The following PRKG1 variants were observed in gnomAD, a reference collection of about 807,000 sequenced individuals.
PRKG1 encodes the protein protein kinase cGMP-dependent 1.
A neutral mutation model predicts 88.1 loss-of-function variants in PRKG1; 35 were observed. That is an observed-to-expected ratio of 0.40 (90% CI 0.30 to 0.53). The LOEUF (loss-of-function observed/expected upper bound fraction) is 0.53. PRKG1 is among the 20% of genes least tolerant of loss of function. The pLI, the probability that PRKG1 is intolerant of heterozygous loss-of-function variation, is 0.59. For missense variants in PRKG1, 540 were observed against 839.8 expected (o/e 0.64, Z 4.41); for synonymous variants, 303 against 292.5 (o/e 1.04, Z -0.37).
At chr10:51,917,093 G>A (rs778038911) in intron 5 of PRKG1, among the ~76,000 whole-genome samples, 10 of 152,022 alleles carry the variant, frequency 6.6e-5, no homozygotes, top group South Asian at 4.2e-4. Context: ...TGAGGCAGGC[G>A]GATCACCTGA....
intron 4 of PRKG1, among the ~76,000 whole-genome samples, chr10:51,904,665 A>T (rs764296855): frequency 6.6e-6 from 1 of 152,168 alleles, no homozygotes; most frequent in Non-Finnish European, 1.5e-5. Context: ...GAAGTCCAGA[A>T]GTGCTTCAGT....
intron 2 of PRKG1, among the ~76,000 whole-genome samples, chr10:51,376,962 C>G (rs1842830676): frequency 6.6e-6 from 1 of 152,168 alleles, no homozygotes; most frequent in Admixed American, 6.5e-5. Flanking sequence ...CAGTCGTGAG[C>G]CACTGCGCCT....
intron 5 of PRKG1, among the ~76,000 whole-genome samples, chr10:51,932,432 G>T (rs1424893358): frequency 6.6e-6 from 1 of 151,946 alleles, no homozygotes; most frequent in Non-Finnish European, 1.5e-5. Context: ...TGAATCTTTG[G>T]ACAACTCTAT....
intron 4 of PRKG1, among the ~76,000 whole-genome samples, chr10:51,855,451 G>A (rs1434148887): frequency 6.6e-6 from 1 of 152,174 alleles, no homozygotes; most frequent in South Asian, 2.1e-4. Flanking sequence ...GTACAGTTTA[G>A]TTGAACTGCT....
At chr10:51,110,847 G>C (rs570446112) in intron 1 of PRKG1, among the ~76,000 whole-genome samples, 3 of 152,252 alleles carry the variant, frequency 2.0e-5, no homozygotes, top group South Asian at 4.1e-4. Context: ...TAAAAGATGA[G>C]AGTAGCAGCA....
At chr10:51,145,898 T>C (rs981710445) in intron 1 of PRKG1, among the ~76,000 whole-genome samples, 1 of 152,112 alleles carries the variant, frequency 6.6e-6, no homozygotes, top group Non-Finnish European at 1.5e-5. Flanking sequence ...GCTATACTAA[T>C]TTACATTCTC....
intron 2 of PRKG1, among the ~76,000 whole-genome samples, chr10:51,218,570 A>G (rs539957287): frequency 4.1e-4 from 60 of 144,590 alleles, no homozygotes; most frequent in African/African-American, 1.4e-3. Flanking sequence ...TGTATTTGGC[A>G]TATATATATG....
At chr10:52,243,944 A>G (rs1840933810) in intron 9 of PRKG1, among the ~76,000 whole-genome samples, 1 of 152,154 alleles carries the variant, frequency 6.6e-6, no homozygotes, top group African/African-American at 2.4e-5. Flanking sequence ...AGAAAAGTCT[A>G]TTTCTGAAAA....
intron 1 of PRKG1, among the ~76,000 whole-genome samples, chr10:50,999,342 G>GT (rs1223280821): frequency 1.3e-5 from 2 of 152,180 alleles, no homozygotes; most frequent in African/African-American, 4.8e-5. Context: ...TCATCTGAGT[G>GT]TTTATTTATT....
intron 1 of PRKG1, among the ~76,000 whole-genome samples, chr10:51,111,736 A>G (rs1314387933): frequency 1.3e-5 from 2 of 152,196 alleles, no homozygotes; most frequent in African/African-American, 4.8e-5. Context: ...ATTCATTCAC[A>G]TATTTTAAAA....
At chr10:51,619,100 G>A (rs1051830715) in intron 3 of PRKG1, among the ~76,000 whole-genome samples, 1 of 151,944 alleles carries the variant, frequency 6.6e-6, no homozygotes, top group Non-Finnish European at 1.5e-5. Flanking sequence ...TCATGTGGGA[G>A]AATAGAGGAA....
At chr10:51,549,488 C>A (rs956543201) in intron 3 of PRKG1, among the ~76,000 whole-genome samples, 2 of 151,980 alleles carry the variant, frequency 1.3e-5, no homozygotes, top group African/African-American at 4.8e-5. Flanking sequence ...GACTTAGCTA[C>A]TAGTTGCGAT....
At chr10:51,840,516 A>G (rs923237540) in intron 4 of PRKG1, among the ~76,000 whole-genome samples, 21 of 136,310 alleles carry the variant, frequency 1.5e-4, no homozygotes, top group African/African-American at 5.9e-4. Context: ...TGAACCCTCT[A>G]TTTTATTTAT....
intron 3 of PRKG1, among the ~76,000 whole-genome samples, chr10:51,562,723 C>T (rs1204707656): frequency 6.6e-6 from 1 of 152,004 alleles, no homozygotes; most frequent in African/African-American, 2.4e-5. Context: ...ATGTAAGTAA[C>T]AATCAACATT....
At chr10:51,012,573 G>A (rs1187814512) in intron 1 of PRKG1, among the ~76,000 whole-genome samples, 1 of 152,128 alleles carries the variant, frequency 6.6e-6, no homozygotes, top group African/African-American at 2.4e-5. Context: ...ATTAAGGCAC[G>A]CATTTTAAAA....
intron 7 of PRKG1, among the ~76,000 whole-genome samples, chr10:52,096,612 C>T (rs759366140): frequency 1.3e-5 from 2 of 152,114 alleles, no homozygotes; most frequent in African/African-American, 4.8e-5. Flanking sequence ...CTGCAGTTAG[C>T]GTCATTGTTC....
intron 5 of PRKG1, among the ~76,000 whole-genome samples, chr10:52,008,995 C>A (rs1458863075): frequency 6.6e-6 from 1 of 151,812 alleles, no homozygotes; most frequent in Non-Finnish European, 1.5e-5. Context: ...TAGTAAAAAC[C>A]CTCGATAAAC....
At chr10:51,953,491 A>G (rs1294631684) in intron 5 of PRKG1, among the ~76,000 whole-genome samples, 2 of 152,124 alleles carry the variant, frequency 1.3e-5, no homozygotes, top group African/African-American at 4.8e-5. Context: ...TGGCCTCCCC[A>G]ACCCTCCACT....
intron 4 of PRKG1, among the ~76,000 whole-genome samples, chr10:51,905,138 A>G (rs770273590): frequency 2.6e-5 from 4 of 152,172 alleles, no homozygotes; most frequent in African/African-American, 4.8e-5. Flanking sequence ...TTCAACCTAC[A>G]TAACTCATGG....
Sources: allele counts gnomAD v4.1 joint callset (sites outside exome capture counted in the v4.1 genomes callset), GRCh38; gene constraint gnomAD v4.1.1; transcripts MANE v1.5; gene names NCBI Gene and HGNC (gene_info 2026-07-23, HGNC 2026-07-21).